Variants in EIPR1 observed in about 807,000 individuals in gnomAD.
The protein encoded by EIPR1 is EARP complex and GARP complex interacting protein 1.
Under a neutral mutation model 48.1 loss-of-function variants are expected in EIPR1, and 25 were observed. That is an observed-to-expected ratio of 0.52 (90% CI 0.38 to 0.73). EIPR1 has a LOEUF of 0.73. Ranked by LOEUF, EIPR1 falls within the 30% of genes least tolerant of loss-of-function variation. EIPR1 has a pLI of 0.00. For missense variants in EIPR1, 415 were observed against 506.2 expected, an observed-to-expected ratio of 0.82 and a Z score of 1.73; for synonymous variants, 204 against 201.9, an observed-to-expected ratio of 1.01 and a Z score of -0.09.
At chr2:3,230,262 C>T (rs1166119239) in intron 4 of EIPR1, among the ~76,000 whole-genome samples, 12 of 152,282 alleles carry the variant, frequency 7.9e-5, no homozygotes, top group Middle Eastern at 6.8e-3. Flanking sequence ...GTAACGCACA[C>T]ACGTCTTGGC....
chr2:3,299,622 T>A (rs867083640), intron 3 of EIPR1, among the ~76,000 whole-genome samples: 2,162 of 140,940 alleles, frequency 0.015, 37 homozygotes, highest in African/African-American at 0.045. Context: ...TCTCTCTCTC[T>A]CTCACACACA....
intron 4 of EIPR1, among the ~76,000 whole-genome samples, chr2:3,237,650 G>A (rs1666456528): frequency 1.3e-5 from 2 of 152,144 alleles, no homozygotes; most frequent in African/African-American, 4.8e-5. Context: ...AGCACAGAAC[G>A]GCATGGCAAT....
chr2:3,290,834 T>A (rs1407988008), intron 3 of EIPR1, among the ~76,000 whole-genome samples: 3 of 152,158 alleles, frequency 2.0e-5, no homozygotes, highest in African/African-American at 7.2e-5. Context: ...GCCATCAGAT[T>A]GCATGTGTCA....
Position 3,338,157 on chromosome 2 carries a change from T to C in EIPR1, c.127-8A>G, listed in dbSNP as rs765670984. The C allele has an allele frequency of 1.2e-6, 2 of 1,608,184 alleles. No homozygotes were observed. The highest frequency in any genetic ancestry group is 2.2e-5 in the East Asian group (1 of 44,854). On this transcript the variant is annotated splice_region_variant and splice_polypyrimidine_tract_variant and intron_variant, in intron 2 of 8. Coordinates refer to ENST00000382125, the MANE Select transcript of EIPR1 (RefSeq NM_003310.5). ...AAAATCTATGATATGGATCTACAAA[T>C]ACAAGAAAAGAGCACATCAGGATCT...
At chr2:3,330,280 T>C (rs1325902641) in intron 3 of EIPR1, among the ~76,000 whole-genome samples, 1 of 152,190 alleles carries the variant, frequency 6.6e-6, no homozygotes, top group African/African-American at 2.4e-5. Flanking sequence ...GTGAAAATAT[T>C]TAGAGAGCAG....
chr2:3,313,224 G>T (rs964413963), intron 3 of EIPR1, among the ~76,000 whole-genome samples: 4 of 152,206 alleles, frequency 2.6e-5, no homozygotes, highest in African/African-American at 4.8e-5. Context: ...AGGTGAAAGG[G>T]GTGCTGAGAG....
At chr2:3,326,508 T>G (rs777888634) in intron 3 of EIPR1, among the ~76,000 whole-genome samples, 3 of 152,156 alleles carry the variant, frequency 2.0e-5, no homozygotes, top group Non-Finnish European at 4.4e-5. Context: ...CCTGGACCAC[T>G]TTACATCTAG....
chr2:3,270,693 C>G (rs1667678004), intron 3 of EIPR1, among the ~76,000 whole-genome samples: 1 of 152,226 alleles, frequency 6.6e-6, no homozygotes, highest in East Asian at 1.9e-4. Context: ...CTAAAGAATA[C>G]TAACAATCAC....
chr2:3,360,172 G>A (rs1217857786), intron 1 of EIPR1, among the ~76,000 whole-genome samples: 1 of 152,030 alleles, frequency 6.6e-6, no homozygotes, highest in Non-Finnish European at 1.5e-5. Flanking sequence ...GGGAGGCCGA[G>A]GCGAGCAGAT....
intron 4 of EIPR1, among the ~76,000 whole-genome samples, chr2:3,245,839 G>C (rs1430846931): frequency 2.0e-5 from 3 of 152,214 alleles, no homozygotes; most frequent in African/African-American, 7.2e-5. Flanking sequence ...TGGGAGGACT[G>C]CTTGCGCCCA....
In EIPR1 at chr2:3,367,032, G is replaced by A. The variant is rs375089494; in HGVS notation, c.42+10616C>T. ...TGTACTCCAGTCTGGGCCACACAGCGAGACTCTGTCCCAAAAAATAAGTAA... is the reference window on the plus strand; with the variant it reads ...TGTACTCCAGTCTGGGCCACACAGCAAGACTCTGTCCCAAAAAATAAGTAA... On this transcript the variant is annotated intron_variant, in intron 1 of 8. Coordinates refer to ENST00000382125, the MANE Select transcript of EIPR1 (RefSeq NM_003310.5). Among the ~76,000 whole-genome samples the A allele has an allele frequency of 1.1e-3, 165 of 151,124 alleles. 1 individual carries two copies. The South Asian group carries it at 0.034, about 31-fold the overall frequency.
intron 5 of EIPR1, chr2:3,208,764 C>CGGGTCCTTCTTCCTT: frequency 6.5e-7 from 1 of 1,548,428 alleles, no homozygotes; most frequent in African/African-American, 1.4e-5. Flanking sequence ...AGGCCCGTGG[C>CGGGTCCTTCTTCCTT]GAGTCCTTCT....
chr2:3,260,521 G>GGGAA lies in EIPR1; in HGVS notation c.260-3067_260-3066insTTCC, dbSNP rs1247353077. Among the ~76,000 whole-genome samples, 4 of 129,034 alleles carry GGGAA rather than the reference G, an allele frequency of 3.1e-5. No homozygotes were observed. In the Admixed American group the frequency reaches 3.2e-4, roughly 10 times the overall value. 84.7% of individuals were successfully genotyped at this position (129,034 alleles called of 152,430 possible). ...ATGAAGGAAGGAAGGGAGGGAGGGA[G>GGGAA]GGAGGGAGGGAGGGAGGGAAGGAGG... On this transcript the variant is annotated intron_variant, in intron 3 of 8. Transcript: ENST00000382125.
intron 3 of EIPR1, among the ~76,000 whole-genome samples, chr2:3,263,954 T>C (rs1044685452): frequency 2.6e-5 from 4 of 152,256 alleles, no homozygotes; most frequent in Non-Finnish European, 4.4e-5. Context: ...TACATACTTA[T>C]CATTTTTTGT....
chr2:3,213,129 C>T (rs1406520499), intron 5 of EIPR1, among the ~76,000 whole-genome samples: 3 of 152,156 alleles, frequency 2.0e-5, no homozygotes. Context: ...TAAGATGAGG[C>T]CATCACTGGA....
chr2:3,219,559 C>T lies in EIPR1; in HGVS notation c.417-5311G>A, dbSNP rs1284729251. Among the ~76,000 whole-genome samples the T allele has an allele frequency of 2.6e-5, 4 of 151,708 alleles. No homozygotes were observed. The East Asian group carries it at 7.7e-4, about 29-fold the overall frequency. On this transcript the variant is annotated intron_variant, in intron 4 of 8. Transcript: ENST00000382125. ...AACACGGCCCTGGTATGCTCTAGAG[C>T]ATTCACAGTGAGTCAGGTGCACACC...
chr2:3,242,574 G>A (rs1666670922), intron 4 of EIPR1, among the ~76,000 whole-genome samples: 1 of 151,522 alleles, frequency 6.6e-6, no homozygotes, highest in Admixed American at 6.6e-5. Flanking sequence ...CACACACCAG[G>A]CAGCAGCCAT....
In EIPR1 at chr2:3,221,012, G is replaced by A. The variant is rs1327295192; in HGVS notation, c.417-6764C>T. Among the ~76,000 whole-genome samples the A allele has an allele frequency of 7.2e-5, 4 of 55,802 alleles. 1 individual carries two copies. The highest frequency in any genetic ancestry group is 2.8e-4 in the African/African-American group (4 of 14,210). 36.6% of individuals were successfully genotyped at this position (55,802 alleles called of 152,430 possible). A position where few individuals can be genotyped will look rare whatever the true frequency, so the allele number is the denominator to read the frequency against. On this transcript the variant is annotated intron_variant, in intron 4 of 8. Coordinates refer to ENST00000382125, the MANE Select transcript of EIPR1 (RefSeq NM_003310.5). The stretch of plus-strand genomic sequence containing the variant: ...CACTCACAGTGAGTCAGGAACACAT[G>A]CACACAATGGCCGACGTACACTCTA...
intron 5 of EIPR1, among the ~76,000 whole-genome samples, chr2:3,207,647 G>GCTC (rs147934793): frequency 1.3e-5 from 2 of 152,344 alleles, no homozygotes; most frequent in East Asian, 3.9e-4. Context: ...AGGGTGAGCA[G>GCTC]CTCCTCTTTC....
Sources: gnomAD v4.1 joint callset for allele counts (sites outside exome capture counted in the v4.1 genomes callset) on GRCh38, gnomAD v4.1.1 for gene constraint, MANE v1.5 for transcripts, NCBI Gene and HGNC (gene_info 2026-07-23, HGNC 2026-07-21) for gene names.